The following CLEC2D variants were observed in gnomAD, a reference collection of about 807,000 sequenced individuals.
The protein encoded by CLEC2D is C-type lectin related f.
CLEC2D carries 16 observed loss-of-function variants against 20.0 expected under a neutral mutation model. The observed-to-expected ratio is 0.80, with a 90% CI of 0.54 to 1.22. The LOEUF is 1.22. Among genes scored for constraint, CLEC2D ranks in the 50% most tolerant of loss-of-function variants. The pLI, the probability that CLEC2D is intolerant of heterozygous loss-of-function variation, is 0.00. For synonymous variants in CLEC2D, 77 were observed against 71.1 expected, an observed-to-expected ratio of 1.08 and a Z score of -0.42; for missense variants, 207 against 221.5, an observed-to-expected ratio of 0.93 and a Z score of 0.42.
At chr12:9,690,817 A>C (rs10734807) in intron 3 of CLEC2D, among the ~76,000 whole-genome samples, 3 of 151,956 alleles carry the variant, frequency 2.0e-5, no homozygotes, top group Non-Finnish European at 4.4e-5. Flanking sequence ...ATACAAAAAA[A>C]GTCAGTAACA....
At chr12:9,671,431 A>G (rs1288487484) in intron 1 of CLEC2D, among the ~76,000 whole-genome samples, 9 of 152,074 alleles carry the variant, frequency 5.9e-5, no homozygotes, top group Admixed American at 2.6e-4. Context: ...CGTGTTAGCC[A>G]GGATGGTCTC....
At chr12:9,676,098 T>G (rs1043636194) in intron 1 of CLEC2D, among the ~76,000 whole-genome samples, 1 of 152,228 alleles carries the variant, frequency 6.6e-6, no homozygotes, top group African/African-American at 2.4e-5. Flanking sequence ...ACAGTTTTAT[T>G]TCTTACTTTC....
Position 9,685,229 on chromosome 12 carries a change from C to A in CLEC2D, c.173-2673C>A, listed in dbSNP as rs147373524. On this transcript the variant is annotated intron_variant, in intron 2 of 4. Transcript: ENST00000290855. ...CTCTGGAAGCTTCATCCCAGAGGGGCACGCACCAGATGCCAGCTGAGCTGT... is the reference window on the plus strand; with the variant it reads ...CTCTGGAAGCTTCATCCCAGAGGGGAACGCACCAGATGCCAGCTGAGCTGT... Among the ~76,000 whole-genome samples the A allele has an allele frequency of 4.2e-3, 637 of 152,328 alleles. 6 individuals carry two copies. Among genetic ancestry groups the A allele is most frequent in the Middle Eastern group, 0.01 (3 of 294 alleles).
chr12:9,690,487 T>C (rs1292115573), intron 3 of CLEC2D, among the ~76,000 whole-genome samples: 6 of 152,078 alleles, frequency 3.9e-5, no homozygotes, highest in African/African-American at 1.4e-4. Context: ...ATGTGTCATA[T>C]AGTTTATAAC....
At position 9,698,281 on chromosome 12, in the gene CLEC2D, A is replaced by G. The variant is rs1266856261; in HGVS notation, c.*3407A>G. The G allele has an allele frequency of 1.3e-5, 2 of 152,300 alleles. No homozygotes were observed. Among genetic ancestry groups the G allele is most frequent in the East Asian group, 3.8e-4 (2 of 5,196 alleles). 9.4% of individuals were successfully genotyped at this position (152,300 alleles called of 1,614,324 possible). On this transcript the variant is annotated 3_prime_UTR_variant, in exon 5 of 5. Transcript: ENST00000290855. ...ACAATTTTGAAAGATCCAATACACT[A>G]TTATTAACTATAGTCACTATGCTGT... is the stretch of plus-strand genomic sequence containing the variant.
intron 1 of CLEC2D, among the ~76,000 whole-genome samples, chr12:9,679,680 A>G (rs1247108335): frequency 6.6e-6 from 1 of 152,208 alleles, no homozygotes; most frequent in Non-Finnish European, 1.5e-5. Context: ...GTCAACTTAA[A>G]CTGATAAAAA....
intron 3 of CLEC2D, among the ~76,000 whole-genome samples, chr12:9,690,255 G>A (rs371988362): frequency 3.0e-4 from 46 of 152,182 alleles, no homozygotes; most frequent in African/African-American, 1.1e-3. Context: ...TGAATTCTAT[G>A]TATAGCAAAG....
At chr12:9,676,256 A>G (rs1231226734) in intron 1 of CLEC2D, among the ~76,000 whole-genome samples, 1 of 152,178 alleles carries the variant, frequency 6.6e-6, no homozygotes, top group Non-Finnish European at 1.5e-5. Flanking sequence ...GTTTCTCACC[A>G]TACTTGAGGA....
At chr12:9,673,847 CTG>C (rs1185945427) in intron 1 of CLEC2D, among the ~76,000 whole-genome samples, 2 of 152,174 alleles carry the variant, frequency 1.3e-5, no homozygotes, top group East Asian at 1.9e-4. Flanking sequence ...GTTTGCTGCA[CTG>C]TGGGAAATCT....
Position 9,697,599 on chromosome 12 carries a change from T to G in CLEC2D, c.*2725T>G, listed in dbSNP as rs749935703. ...TGGGTTAGGATCTACCCGACTGAGCTGGTCTCAGCACTGTTATTTGAAACA... is the reference window on the plus strand; with the variant it reads ...TGGGTTAGGATCTACCCGACTGAGCGGGTCTCAGCACTGTTATTTGAAACA... On this transcript the variant is annotated 3_prime_UTR_variant, in exon 5 of 5. Coordinates refer to ENST00000290855, the MANE Select transcript of CLEC2D (RefSeq NM_013269.6). The G allele has an allele frequency of 6.6e-6, 1 of 152,274 alleles. No homozygotes were observed. Among genetic ancestry groups the G allele is most frequent in the Non-Finnish European group, 1.5e-5 (1 of 68,020 alleles). 9.4% of individuals were successfully genotyped at this position (152,274 alleles called of 1,614,324 possible).
intron 1 of CLEC2D, among the ~76,000 whole-genome samples, chr12:9,677,707 C>CTTTTTTTTTTTTTTTT (rs36120151): frequency 2.5e-4 from 30 of 122,388 alleles, no homozygotes; most frequent in Non-Finnish European, 2.7e-4. Context: ...TTCTTTCTTT[C>CTTTTTTTTTTTTTTTT]TTTTTTTTTT....
At chr12:9,672,861 G>T (rs1183643366) in intron 1 of CLEC2D, among the ~76,000 whole-genome samples, 1 of 151,802 alleles carries the variant, frequency 6.6e-6, no homozygotes, top group Non-Finnish European at 1.5e-5. Flanking sequence ...TTCAGCTATT[G>T]ATACTTGTGT....
At chr12:9,678,524 G>T (rs769024138) in intron 1 of CLEC2D, among the ~76,000 whole-genome samples, 1 of 151,858 alleles carries the variant, frequency 6.6e-6, no homozygotes. Flanking sequence ...TTTGTTCTTT[G>T]TTTCTATTTT....
intron 1 of CLEC2D, among the ~76,000 whole-genome samples, chr12:9,671,014 C>G (rs1200499726): frequency 6.6e-6 from 1 of 152,312 alleles, no homozygotes; most frequent in Non-Finnish European, 1.5e-5. Flanking sequence ...CTGACCCGTA[C>G]TTTCAGGTTC....
intron 1 of CLEC2D, among the ~76,000 whole-genome samples, chr12:9,671,410 C>T (rs1287572665): frequency 6.6e-6 from 1 of 152,094 alleles, no homozygotes; most frequent in East Asian, 1.9e-4. Flanking sequence ...TTAGTAGAGA[C>T]GGGGTTTCAC....
intron 1 of CLEC2D, among the ~76,000 whole-genome samples, chr12:9,672,307 A>T (rs929271909): frequency 2.0e-5 from 3 of 152,206 alleles, no homozygotes; most frequent in Non-Finnish European, 4.4e-5. Flanking sequence ...ACACTATTGC[A>T]TTGGGGATTA....
At chr12:9,674,393 C>T (rs1269851942) in intron 1 of CLEC2D, among the ~76,000 whole-genome samples, 1 of 152,238 alleles carries the variant, frequency 6.6e-6, no homozygotes, top group East Asian at 1.9e-4. Context: ...TGAAATGACA[C>T]CCCACCTGCT....
chr12:9,691,082 A>G (rs1865851722), intron 3 of CLEC2D, among the ~76,000 whole-genome samples: 1 of 152,168 alleles, frequency 6.6e-6, no homozygotes, highest in Non-Finnish European at 1.5e-5. Flanking sequence ...TGAAAAAGAT[A>G]TTCCATACAA....
At chr12:9,672,803 C>T (rs1865450533) in intron 1 of CLEC2D, among the ~76,000 whole-genome samples, 1 of 151,952 alleles carries the variant, frequency 6.6e-6, no homozygotes, top group South Asian at 2.1e-4. Context: ...TGCCTTATTT[C>T]AGCAAGAGAG....
Sources: allele counts gnomAD v4.1 joint callset (sites outside exome capture counted in the v4.1 genomes callset), GRCh38; gene constraint gnomAD v4.1.1; transcripts MANE v1.5; gene names NCBI Gene and HGNC (gene_info 2026-07-23, HGNC 2026-07-21).